Variants in NRXN3 observed in about 807,000 individuals in gnomAD.
NRXN3 encodes the protein neurexin 3.
In NRXN3, 32 loss-of-function variants were observed where a neutral mutation model predicts 137.6. The observed-to-expected ratio is 0.23, with a 90% CI of 0.18 to 0.31. The LOEUF (loss-of-function observed/expected upper bound fraction) is 0.31, where lower values mean the gene tolerates loss of function less well. Ranked by LOEUF, NRXN3 falls within the 10% of genes least tolerant of loss-of-function variation. The pLI, the probability that NRXN3 is intolerant of heterozygous loss-of-function variation, is 1.00. For missense variants in NRXN3, 1,574 were observed against 2,062.5 expected (o/e 0.76, Z 4.59); for synonymous variants, 798 against 784.5 (o/e 1.02, Z -0.29).
intron 15 of NRXN3, among the ~76,000 whole-genome samples, chr14:78,990,058 GTC>G (rs2099515376): frequency 1.3e-5 from 1 of 74,834 alleles, no homozygotes; most frequent in Non-Finnish European, 3.4e-5. Context: ...GTATCACACT[GTC>G]TGACTTGGGG....
intron 15 of NRXN3, among the ~76,000 whole-genome samples, chr14:79,148,167 T>TAA (rs2059471409): frequency 6.6e-6 from 1 of 151,952 alleles, no homozygotes; most frequent in South Asian, 2.1e-4. Flanking sequence ...AGTGAACAGA[T>TAA]AAGTTAGTGG....
intron 15 of NRXN3, among the ~76,000 whole-genome samples, chr14:79,399,822 C>T (rs1436069834): frequency 6.6e-6 from 1 of 152,118 alleles, no homozygotes; most frequent in East Asian, 1.9e-4. Context: ...AGGCCAAAAT[C>T]AAGGTGCTGA....
At chr14:79,702,063 C>A (rs1044741364) in intron 19 of NRXN3, among the ~76,000 whole-genome samples, 1 of 151,786 alleles carries the variant, frequency 6.6e-6, no homozygotes, top group African/African-American at 2.4e-5. Context: ...AGAGTAAGGG[C>A]TAGGAAGTTT....
intron 10 of NRXN3, among the ~76,000 whole-genome samples, chr14:78,837,386 G>A (rs1477204098): frequency 1.3e-5 from 2 of 152,096 alleles, no homozygotes; most frequent in African/African-American, 2.4e-5. Flanking sequence ...ACTGTGAATA[G>A]TGGCCACTTT....
chr14:79,790,015 G>A (rs1284621623), intron 19 of NRXN3, among the ~76,000 whole-genome samples: 1 of 152,156 alleles, frequency 6.6e-6, no homozygotes, highest in Non-Finnish European at 1.5e-5. Context: ...GCAGAGGGAG[G>A]AGTTAATCAA....
At chr14:79,663,556 C>T (rs189064208) in intron 16 of NRXN3, among the ~76,000 whole-genome samples, 8 of 152,118 alleles carry the variant, frequency 5.3e-5, no homozygotes, top group South Asian at 2.1e-4. Flanking sequence ...GTAACCTGTG[C>T]GGTGCAGCCT....
chr14:78,529,211 C>T (rs1222514873), intron 4 of NRXN3, among the ~76,000 whole-genome samples: 1 of 152,154 alleles, frequency 6.6e-6, no homozygotes, highest in Non-Finnish European at 1.5e-5. Flanking sequence ...CTTTCACTCA[C>T]CCAGCAAGTA....
intron 10 of NRXN3, among the ~76,000 whole-genome samples, chr14:78,939,092 G>A (rs1003148318): frequency 2.0e-5 from 3 of 151,800 alleles, no homozygotes; most frequent in Non-Finnish European, 4.4e-5. Flanking sequence ...TGATCCGCCC[G>A]CCTCGGCCTC....
At chr14:78,518,620 G>A (rs923579437) in intron 4 of NRXN3, among the ~76,000 whole-genome samples, 1 of 152,072 alleles carries the variant, frequency 6.6e-6, no homozygotes, top group South Asian at 2.1e-4. Flanking sequence ...CTCTTACTTG[G>A]CATTTATCCT....
chr14:79,830,384 T>C (rs1458134537), intron 20 of NRXN3, among the ~76,000 whole-genome samples: 1 of 152,174 alleles, frequency 6.6e-6, no homozygotes, highest in Non-Finnish European at 1.5e-5. Context: ...GCTTTTTCAA[T>C]TTTTAAAATG....
At chr14:78,399,080 G>T (rs1567477301) in intron 4 of NRXN3, among the ~76,000 whole-genome samples, 1 of 152,084 alleles carries the variant, frequency 6.6e-6, no homozygotes, top group Admixed American at 6.6e-5. Flanking sequence ...CTTCTATGGG[G>T]CTTTTTGTCA....
chr14:79,564,481 C>T (rs974298104), intron 16 of NRXN3, among the ~76,000 whole-genome samples: 3 of 152,088 alleles, frequency 2.0e-5, no homozygotes, highest in Non-Finnish European at 2.9e-5. Context: ...TAGCTAAGTG[C>T]TAAATATAAT....
intron 4 of NRXN3, among the ~76,000 whole-genome samples, chr14:78,443,163 G>T (rs1027164629): frequency 6.6e-6 from 1 of 152,208 alleles, no homozygotes; most frequent in African/African-American, 2.4e-5. Context: ...AATATCCTTT[G>T]CCTGAGCTAG....
At chr14:79,038,066 A>G (rs1246527230) in intron 15 of NRXN3, among the ~76,000 whole-genome samples, 4 of 152,140 alleles carry the variant, frequency 2.6e-5, no homozygotes, top group Non-Finnish European at 5.9e-5. Flanking sequence ...GTGTATGAAT[A>G]TTTGTAAATC....
At chr14:79,290,625 A>G (rs973353863) in intron 15 of NRXN3, among the ~76,000 whole-genome samples, 3 of 151,804 alleles carry the variant, frequency 2.0e-5, no homozygotes, top group African/African-American at 7.3e-5. Context: ...GAGGAACTAA[A>G]GAGATTCCCC....
intron 1 of NRXN3, among the ~76,000 whole-genome samples, chr14:78,193,994 C>T (rs980744937): frequency 4.6e-5 from 7 of 152,286 alleles, no homozygotes; most frequent in South Asian, 2.1e-4. Flanking sequence ...TAACTCTCCC[C>T]CTCTGCATCT....
At chr14:78,593,047 C>A (rs17107887) in intron 4 of NRXN3, among the ~76,000 whole-genome samples, 5 of 152,196 alleles carry the variant, frequency 3.3e-5, no homozygotes, top group Non-Finnish European at 7.3e-5. Flanking sequence ...TCTGATTTTG[C>A]TCCTCATTAG....
intron 4 of NRXN3, among the ~76,000 whole-genome samples, chr14:78,525,121 A>G (rs1190561995): frequency 6.6e-6 from 1 of 152,154 alleles, no homozygotes; most frequent in Non-Finnish European, 1.5e-5. Flanking sequence ...CTCTGTTTTC[A>G]TACAAAGTGG....
chr14:78,884,711 A>G (rs376531916), intron 10 of NRXN3, among the ~76,000 whole-genome samples: 2 of 152,338 alleles, frequency 1.3e-5, no homozygotes, highest in East Asian at 3.9e-4. Flanking sequence ...AATCAAGGGT[A>G]AATTCACATG....
Sources: allele counts gnomAD v4.1 joint callset (sites outside exome capture counted in the v4.1 genomes callset), GRCh38; gene constraint gnomAD v4.1.1; transcripts MANE v1.5; gene names NCBI Gene and HGNC (gene_info 2026-07-23, HGNC 2026-07-21).